The following ARHGAP8 variants were observed in gnomAD, a reference collection of about 807,000 sequenced individuals.
The protein encoded by ARHGAP8 is Rho GTPase activating protein 8.
A neutral mutation model predicts 46.1 loss-of-function variants in ARHGAP8; 62 were observed. That is an observed-to-expected ratio of 1.34 (90% CI 1.10 to 1.66). ARHGAP8 has a LOEUF of 1.66. Ranked by LOEUF, ARHGAP8 falls within the 40% of genes most tolerant of loss-of-function variation. ARHGAP8 has a pLI of 0.00. For synonymous variants in ARHGAP8, 375 were observed against 243.1 expected, an observed-to-expected ratio of 1.54 and a Z score of -5.05; for missense variants, 923 against 568.4, an observed-to-expected ratio of 1.62 and a Z score of -6.34.
At chr22:44,803,546 G>T (rs1178360716) in intron 3 of ARHGAP8, among the ~76,000 whole-genome samples, 1 of 144,402 alleles carries the variant, frequency 6.9e-6, no homozygotes, top group African/African-American at 2.6e-5. Context: ...ATCGTCCCTT[G>T]CATATGTCCC....
chr22:44,774,326 A>T (rs1378030721), intron 1 of ARHGAP8, among the ~76,000 whole-genome samples: 1 of 152,186 alleles, frequency 6.6e-6, no homozygotes, highest in Non-Finnish European at 1.5e-5. Flanking sequence ...CTGAGAAGGT[A>T]GTGAGTGTCC....
intron 1 of ARHGAP8, among the ~76,000 whole-genome samples, chr22:44,778,216 G>A (rs1328533980): frequency 1.3e-5 from 2 of 151,862 alleles, no homozygotes; most frequent in South Asian, 2.1e-4. Flanking sequence ...AAAGTCCATT[G>A]TGTTTTTCTT....
intron 5 of ARHGAP8, among the ~76,000 whole-genome samples, chr22:44,816,477 C>G (rs1929749686): frequency 6.6e-6 from 1 of 151,856 alleles, no homozygotes; most frequent in South Asian, 2.1e-4. Flanking sequence ...GTGACTGGTA[C>G]TCAGAGGAAT....
At chr22:44,856,069 C>T (rs896823457) in intron 10 of ARHGAP8, among the ~76,000 whole-genome samples, 74 of 152,014 alleles carry the variant, frequency 4.9e-4, no homozygotes, top group Non-Finnish European at 2.1e-4. Flanking sequence ...CACTCACTCT[C>T]ATGAGAACAG....
chr22:44,834,175 C>T (rs867064439), intron 7 of ARHGAP8, among the ~76,000 whole-genome samples: 2 of 151,960 alleles, frequency 1.3e-5, no homozygotes, highest in African/African-American at 2.4e-5. Flanking sequence ...TATTTTCTTC[C>T]TTCTGCCTGT....
At chr22:44,815,311 C>T (rs905680494) in intron 5 of ARHGAP8, among the ~76,000 whole-genome samples, 1 of 152,156 alleles carries the variant, frequency 6.6e-6, no homozygotes, top group Non-Finnish European at 1.5e-5. Flanking sequence ...GTTTTTGTTG[C>T]GGGTCAGTCA....
intron 10 of ARHGAP8, among the ~76,000 whole-genome samples, chr22:44,857,925 A>G (rs1473466735): frequency 1.5e-5 from 1 of 66,778 alleles, no homozygotes; most frequent in Non-Finnish European, 3.2e-5. Context: ...ACTTGCCAGC[A>G]GGTATTCTCA....
At chr22:44,840,689 GA>G (rs34594802) in intron 7 of ARHGAP8, among the ~76,000 whole-genome samples, 28,751 of 152,172 alleles carry the variant, frequency 0.19, 2,854 homozygotes, top group South Asian at 0.23. Context: ...GGCCTGGTTG[GA>G]ATGATTTTTG....
In ARHGAP8 at chr22:44,755,188, T is replaced by C. The variant is rs117461699; in HGVS notation, c.-72+2561T>C. Among the ~76,000 whole-genome samples the C allele has an allele frequency of 3.5e-3, 539 of 152,326 alleles. 3 individuals are homozygous for C. The highest frequency in any genetic ancestry group is 4.4e-3 in the Non-Finnish European group (296 of 68,032). On this transcript the variant is annotated intron_variant, in intron 1 of 11. Coordinates refer to ENST00000356099, the MANE Select transcript of ARHGAP8 (RefSeq NM_181335.3). ...AGGTTAAGGTCCCATGGCTAGTGAT[T>C]AGAGAGCCAGGCTTGGAAGCCAGCG... is the stretch of plus-strand genomic sequence containing the variant.
chr22:44,846,006 T>G (rs1052737846), intron 8 of ARHGAP8, among the ~76,000 whole-genome samples: 1 of 111,630 alleles, frequency 9.0e-6, no homozygotes, highest in African/African-American at 3.8e-5. Flanking sequence ...AGACAAGAAG[T>G]GAGTGCCCCC....
At chr22:44,783,322 C>A (rs960710628) in intron 1 of ARHGAP8, among the ~76,000 whole-genome samples, 1 of 151,926 alleles carries the variant, frequency 6.6e-6, no homozygotes, top group East Asian at 1.9e-4. Context: ...GCGGTCCATC[C>A]CCGAGCTGTC....
At chr22:44,807,482 G>A (rs536368362) in intron 3 of ARHGAP8, among the ~76,000 whole-genome samples, 6 of 152,306 alleles carry the variant, frequency 3.9e-5, no homozygotes, top group South Asian at 2.1e-4. Context: ...GAGCTCACCT[G>A]GAGGGAAGGA....
intron 11 of ARHGAP8, among the ~76,000 whole-genome samples, chr22:44,861,482 A>G (rs993545989): frequency 1.3e-5 from 2 of 152,062 alleles, no homozygotes; most frequent in Non-Finnish European, 1.5e-5. Context: ...GGGGAGCCTG[A>G]AAGGCATCCA....
intron 1 of ARHGAP8, among the ~76,000 whole-genome samples, chr22:44,753,112 T>C (rs36013346): frequency 0.22 from 32,745 of 151,426 alleles, 3,927 homozygotes; most frequent in African/African-American, 0.32. Context: ...TCCCGTTTCA[T>C]AGATGAGAAA....
chr22:44,780,703 C>T (rs187679934), intron 1 of ARHGAP8, among the ~76,000 whole-genome samples: 3 of 152,260 alleles, frequency 2.0e-5, no homozygotes, highest in Admixed American at 1.3e-4. Flanking sequence ...GTCTTTCTTC[C>T]ACCCCATCCT....
chr22:44,758,818 G>A (rs1051136859), intron 1 of ARHGAP8, among the ~76,000 whole-genome samples: 4 of 152,234 alleles, frequency 2.6e-5, no homozygotes, highest in Non-Finnish European at 5.9e-5. Flanking sequence ...AGAATGACAG[G>A]AAGCCCTTGA....
intron 4 of ARHGAP8, among the ~76,000 whole-genome samples, chr22:44,813,551 TAC>T (rs999360562): frequency 2.6e-5 from 4 of 151,822 alleles, no homozygotes; most frequent in South Asian, 2.1e-4. Flanking sequence ...TACACTTATA[TAC>T]ACATACACCT....
At chr22:44,837,462 T>A (rs1252083955) in intron 7 of ARHGAP8, among the ~76,000 whole-genome samples, 2 of 152,154 alleles carry the variant, frequency 1.3e-5, no homozygotes, top group Non-Finnish European at 2.9e-5. Context: ...GGAACTTTAG[T>A]TCATGGTGTG....
chr22:44,826,305 G>A (rs555349816), intron 7 of ARHGAP8, among the ~76,000 whole-genome samples: 107 of 152,250 alleles, frequency 7.0e-4, no homozygotes, highest in African/African-American at 2.2e-3. Flanking sequence ...GGGCTCAGCC[G>A]CTGAGATTTA....
Sources: allele counts gnomAD v4.1 joint callset (sites outside exome capture counted in the v4.1 genomes callset), GRCh38; gene constraint gnomAD v4.1.1; transcripts MANE v1.5; gene names NCBI Gene and HGNC (gene_info 2026-07-23, HGNC 2026-07-21).